The following FHIT variants were observed in gnomAD, a reference collection of about 807,000 sequenced individuals.
FHIT encodes bis(5'-adenosyl)-triphosphatase.
In FHIT, 19 loss-of-function variants were observed where a neutral mutation model predicts 17.9. The ratio of observed to expected loss-of-function variants is 1.06; its 90% confidence interval spans 0.74 to 1.56. The LOEUF (loss-of-function observed/expected upper bound fraction) is 1.56. Among genes scored for constraint, FHIT ranks in the 40% most tolerant of loss-of-function variants. FHIT has a pLI of 0.00. For synonymous variants in FHIT, 81 were observed against 69.7 expected, an observed-to-expected ratio of 1.16 and a Z score of -0.81; for missense variants, 248 against 189.2, an observed-to-expected ratio of 1.31 and a Z score of -1.82.
At chr3:59,878,866 C>G (rs1197906772) in intron 8 of FHIT, among the ~76,000 whole-genome samples, 3 of 152,154 alleles carry the variant, frequency 2.0e-5, no homozygotes, top group African/African-American at 2.4e-5. Context: ...AGCTAATTCA[C>G]TGTTCCCAAC....
intron 5 of FHIT, among the ~76,000 whole-genome samples, chr3:60,411,865 T>C (rs544269138): frequency 6.6e-6 from 1 of 152,212 alleles, no homozygotes; most frequent in Non-Finnish European, 1.5e-5. Flanking sequence ...CCCAAAGAGG[T>C]ATGAATCTGA....
At chr3:60,109,074 A>G (rs1341734625) in intron 5 of FHIT, among the ~76,000 whole-genome samples, 7 of 152,168 alleles carry the variant, frequency 4.6e-5, no homozygotes, top group Non-Finnish European at 1.0e-4. Flanking sequence ...CTTCCTAACT[A>G]AAAGAGCCTC....
chr3:60,636,673 C>T (rs2039593502), intron 4 of FHIT, among the ~76,000 whole-genome samples: 1 of 152,196 alleles, frequency 6.6e-6, no homozygotes, highest in African/African-American at 2.4e-5. Context: ...AGGAAAATAA[C>T]CGCTCTCACC....
At chr3:60,877,826 T>A (rs1206272973) in intron 3 of FHIT, among the ~76,000 whole-genome samples, 3 of 152,028 alleles carry the variant, frequency 2.0e-5, no homozygotes, top group Non-Finnish European at 4.4e-5. Flanking sequence ...TGCTGTTTCC[T>A]GGGGAGTGGA....
chr3:60,407,315 G>A (rs1377110826), intron 5 of FHIT, among the ~76,000 whole-genome samples: 2 of 151,896 alleles, frequency 1.3e-5, no homozygotes, highest in Non-Finnish European at 2.9e-5. Context: ...AATTACAGAT[G>A]CCTAGTAGGT....
chr3:60,236,020 C>T (rs1213084752), intron 5 of FHIT, among the ~76,000 whole-genome samples: 1 of 152,010 alleles, frequency 6.6e-6, no homozygotes. Flanking sequence ...ATTCCTCAGA[C>T]ATACTCTTCT....
chr3:60,410,176 G>C (rs7634421), intron 5 of FHIT, among the ~76,000 whole-genome samples: 1 of 152,184 alleles, frequency 6.6e-6, no homozygotes, highest in Non-Finnish European at 1.5e-5. Context: ...CTAGAGAGAG[G>C]CAAGGAGGTA....
intron 3 of FHIT, among the ~76,000 whole-genome samples, chr3:61,005,073 T>C (rs1338649282): frequency 6.6e-6 from 1 of 152,176 alleles, no homozygotes; most frequent in African/African-American, 2.4e-5. Context: ...TGCTAAGCAT[T>C]TGCTATATAT....
chr3:60,445,399 T>C (rs1253460245), intron 5 of FHIT, among the ~76,000 whole-genome samples: 3 of 151,912 alleles, frequency 2.0e-5, no homozygotes, highest in Non-Finnish European at 2.9e-5. Context: ...GCAATTATGA[T>C]ACGTTTCTTA....
At chr3:60,216,588 T>C (rs902509962) in intron 5 of FHIT, among the ~76,000 whole-genome samples, 1 of 152,190 alleles carries the variant, frequency 6.6e-6, no homozygotes, top group Non-Finnish European at 1.5e-5. Context: ...TACCTAATAC[T>C]GAGCTGAAAT....
intron 4 of FHIT, among the ~76,000 whole-genome samples, chr3:60,672,199 T>A (rs1159019709): frequency 1.3e-5 from 2 of 152,216 alleles, no homozygotes; most frequent in African/African-American, 4.8e-5. Flanking sequence ...TTATTTTGTA[T>A]CTTTCATGCA....
chr3:60,856,873 C>A (rs1176439414), intron 3 of FHIT, among the ~76,000 whole-genome samples: 1 of 152,118 alleles, frequency 6.6e-6, no homozygotes, highest in Non-Finnish European at 1.5e-5. Context: ...TTCCTCTTCA[C>A]TGGTCTAATG....
chr3:60,163,772 T>C (rs6781046), intron 5 of FHIT, among the ~76,000 whole-genome samples: 30,916 of 152,152 alleles, frequency 0.2, 3,633 homozygotes, highest in East Asian at 0.34. Context: ...TGGTAGCACC[T>C]ACCCCTCAGT....
At chr3:60,671,874 C>A (rs1453636661) in intron 4 of FHIT, among the ~76,000 whole-genome samples, 1 of 151,826 alleles carries the variant, frequency 6.6e-6, no homozygotes. Context: ...CACTTGAAAC[C>A]AGGAGAAGAA....
At chr3:60,412,285 G>T (rs1702089341) in intron 5 of FHIT, among the ~76,000 whole-genome samples, 1 of 151,978 alleles carries the variant, frequency 6.6e-6, no homozygotes. Context: ...TCTTGAGGAA[G>T]GTGGGGGAAA....
chr3:60,405,659 A>G (rs546819296), intron 5 of FHIT, among the ~76,000 whole-genome samples: 18 of 152,334 alleles, frequency 1.2e-4, no homozygotes, highest in African/African-American at 4.1e-4. Flanking sequence ...GAGGTCCCCA[A>G]CTGGCAAAGA....
At chr3:60,886,926 C>T (rs566840452) in intron 3 of FHIT, among the ~76,000 whole-genome samples, 1 of 152,222 alleles carries the variant, frequency 6.6e-6, no homozygotes, top group Admixed American at 6.5e-5. Flanking sequence ...TTATAGCATG[C>T]CGTGGTTTGT....
chr3:59,958,343 T>A (rs1457456129), intron 7 of FHIT, among the ~76,000 whole-genome samples: 1 of 152,152 alleles, frequency 6.6e-6, no homozygotes, highest in Non-Finnish European at 1.5e-5. Flanking sequence ...TACACATGAT[T>A]CCTATAAAAG....
chr3:60,033,970 T>C (rs2106798326), intron 5 of FHIT, among the ~76,000 whole-genome samples: 1 of 152,288 alleles, frequency 6.6e-6, no homozygotes, highest in African/African-American at 2.4e-5. Flanking sequence ...TCTGGGAAGA[T>C]GAAAATACAC....
Sources: gnomAD v4.1 joint callset for allele counts (sites outside exome capture counted in the v4.1 genomes callset) on GRCh38, gnomAD v4.1.1 for gene constraint, MANE v1.5 for transcripts, NCBI Gene and HGNC (gene_info 2026-07-23, HGNC 2026-07-21) for gene names.